The following MAL2 variants were observed in gnomAD, a reference collection of about 807,000 sequenced individuals.
MAL2 encodes mal, T cell differentiation protein 2, also known as protein MAL2.
A neutral mutation model predicts 18.1 loss-of-function variants in MAL2; 17 were observed. The observed-to-expected ratio is 0.94, with a 90% CI of 0.64 to 1.41. MAL2 has a LOEUF of 1.41. Among genes scored for constraint, MAL2 ranks in the 40% most tolerant of loss-of-function variants. The pLI is 0.00. For synonymous variants in MAL2, 102 were observed against 102.3 expected, an observed-to-expected ratio of 1.00 and a Z score of 0.02; for missense variants, 222 against 231.9, an observed-to-expected ratio of 0.96 and a Z score of 0.28.
chr8:119,219,025 T>C (rs993553579), intron 1 of MAL2, among the ~76,000 whole-genome samples: 2 of 152,216 alleles, frequency 1.3e-5, no homozygotes, highest in African/African-American at 4.8e-5. Context: ...GACATACTTA[T>C]ATCGCCTTCA....
At chr8:119,232,703 T>C (rs1056622693) in intron 2 of MAL2, among the ~76,000 whole-genome samples, 2 of 152,202 alleles carry the variant, frequency 1.3e-5, no homozygotes, top group African/African-American at 2.4e-5. Flanking sequence ...AATTACATAA[T>C]GTGTATGAAT....
chr8:119,208,676 T>G lies in MAL2; in HGVS notation c.132+72T>G, dbSNP rs1817224171. The G allele has an allele frequency of 8.2e-7, 1 of 1,225,616 alleles. No individual in the cohort carries two copies. The highest frequency in any genetic ancestry group is 1.0e-6 in the Non-Finnish European group (1 of 981,922). The allele number at this position is 1,225,616 out of a possible 1,614,324, so 75.9% of individuals were successfully genotyped here. A position where few individuals can be genotyped will look rare whatever the true frequency, so the allele number is the denominator to read the frequency against. ...GCGGCGGCATCCTTGTCCCCCGGGC[T>G]GTCTTCCTCTGCGTCCGCCCCCGGC... is the stretch of plus-strand genomic sequence containing the variant. On this transcript the variant is annotated intron_variant, in intron 1 of 3. Transcript: ENST00000614891. The surrounding 1 kb of genome is among the most constrained non-coding windows in gnomAD (Gnocchi z 4.3).
intron 2 of MAL2, among the ~76,000 whole-genome samples, chr8:119,233,492 G>T (rs2129876378): frequency 6.6e-6 from 1 of 152,268 alleles, no homozygotes; most frequent in Non-Finnish European, 1.5e-5. Context: ...TGACGAAGGG[G>T]ATAGCAGCAC....
chr8:119,221,564 A>G, intron 1 of MAL2, 23 bp from the exon 2 acceptor site: 2 of 1,612,920 alleles, frequency 1.2e-6, no homozygotes, highest in South Asian at 1.1e-5. Context: ...AAGCAAACCA[A>G]TTACCCTCTT....
In MAL2 at chr8:119,208,675, C is replaced by G; in HGVS notation, c.132+71C>G. On this transcript the variant is annotated intron_variant, in intron 1 of 3. Transcript: ENST00000614891. The surrounding 1 kb of genome is among the most constrained non-coding windows in gnomAD (Gnocchi z 4.3). The stretch of plus-strand genomic sequence containing the variant: ...GGCGGCGGCATCCTTGTCCCCCGGG[C>G]TGTCTTCCTCTGCGTCCGCCCCCGG... The G allele has an allele frequency of 8.2e-7, 1 of 1,226,676 alleles. No individual in the cohort carries two copies. The highest frequency in any genetic ancestry group is 3.6e-5 in the South Asian group (1 of 27,408). 76.0% of individuals were successfully genotyped at this position (1,226,676 alleles called of 1,614,324 possible). A position where few individuals can be genotyped will look rare whatever the true frequency, so the allele number is the denominator to read the frequency against.
At chr8:119,238,107 T>A (rs1415967699) in intron 2 of MAL2, among the ~76,000 whole-genome samples, 2 of 152,168 alleles carry the variant, frequency 1.3e-5, no homozygotes, top group African/African-American at 2.4e-5. Flanking sequence ...ACAAAACCAA[T>A]GTACAAAAAT....
chr8:119,234,713 C>T (rs939836286), intron 2 of MAL2, among the ~76,000 whole-genome samples: 10 of 151,736 alleles, frequency 6.6e-5, no homozygotes, highest in East Asian at 1.9e-4. Flanking sequence ...ACAATTCACA[C>T]GGCAGGGTAT....
chr8:119,243,830 A>G lies in MAL2; in HGVS notation c.*342A>G. ...TTTGTTTGGTTGCTGAGTCACCTGA[A>G]CCTTAATTTTAATTGGTAATTACAG... On this transcript the variant is annotated 3_prime_UTR_variant, in exon 4 of 4. Coordinates refer to ENST00000614891, the MANE Select transcript of MAL2 (RefSeq NM_052886.3). 5.8e-6 allele frequency: 1 copy of G among 172,372 alleles called. No individual in the cohort carries two copies. The allele number at this position is 172,372 out of a possible 1,614,324, so 10.7% of individuals were successfully genotyped here.
intron 2 of MAL2, 104 bp downstream of exon 2, chr8:119,221,861 G>C: frequency 8.1e-7 from 1 of 1,238,138 alleles, no homozygotes; most frequent in Admixed American, 2.4e-5. Context: ...CCTAATGGGA[G>C]AGAAGCGGTC....
chr8:119,221,884 C>G, intron 2 of MAL2, 127 bp downstream of exon 2: 1 of 992,840 alleles, frequency 1.0e-6, no homozygotes, highest in Non-Finnish European at 1.5e-6. Context: ...ACCACAGAGA[C>G]TGCTGTGGTG....
chr8:119,219,332 GA>G (rs1192426099), intron 1 of MAL2, among the ~76,000 whole-genome samples: 1 of 152,134 alleles, frequency 6.6e-6, no homozygotes, highest in African/African-American at 2.4e-5. Context: ...GCCTTTTCTT[GA>G]AGCTTGAATT....
At chr8:119,231,200 C>T (rs201401771) in intron 2 of MAL2, among the ~76,000 whole-genome samples, 2 of 151,962 alleles carry the variant, frequency 1.3e-5, no homozygotes, top group East Asian at 3.9e-4. Context: ...CCCAGCTAAT[C>T]TTTTTGTATT....
intron 2 of MAL2, among the ~76,000 whole-genome samples, chr8:119,231,865 G>A (rs1817737139): frequency 6.6e-6 from 1 of 152,298 alleles, no homozygotes; most frequent in South Asian, 2.1e-4. Flanking sequence ...ATCTTGAACA[G>A]TTGAATTCAC....
chr8:119,216,888 G>GA (rs1421832184), intron 1 of MAL2, among the ~76,000 whole-genome samples: 2 of 152,094 alleles, frequency 1.3e-5, no homozygotes, highest in Non-Finnish European at 1.5e-5. Flanking sequence ...AAATTGGTTT[G>GA]AAAAAATTTT....
Position 119,234,008 on chromosome 8 carries a change from C to T in MAL2, c.304-6157C>T, listed in dbSNP as rs369136958. ...AGTCTACAGCTCCCAGCGTGAGTGA[C>T]GCAGAAGACGGATGATTTCTGCATT... On this transcript the variant is annotated intron_variant, in intron 2 of 3. Coordinates refer to ENST00000614891, the MANE Select transcript of MAL2 (RefSeq NM_052886.3). Among the ~76,000 whole-genome samples the T allele has an allele frequency of 4.5e-4, 69 of 152,264 alleles. 1 individual carries two copies. The South Asian group carries it at 0.011, about 24-fold the overall frequency.
At chr8:119,236,761 C>A (rs1563777273) in intron 2 of MAL2, among the ~76,000 whole-genome samples, 1 of 150,632 alleles carries the variant, frequency 6.6e-6, no homozygotes, top group East Asian at 1.9e-4. Context: ...AAAGACACAA[C>A]ATAGCAGAAT....
chr8:119,238,573 CAG>C lies in MAL2; in HGVS notation c.304-1588_304-1587del, dbSNP rs569256021. On this transcript the variant is annotated intron_variant, in intron 2 of 3. Transcript: ENST00000614891. ...AAACAGCATGGTACTGGGACCAAAA[CAG>C]AGATATAGATCAATGGAACAGAACA... Among the ~76,000 whole-genome samples the C allele has an allele frequency of 2.2e-3, 319 of 148,300 alleles. 2 individuals are homozygous for C. Among genetic ancestry groups the C allele is most frequent in the Non-Finnish European group, 2.9e-3 (193 of 66,962 alleles).
intron 3 of MAL2, among the ~76,000 whole-genome samples, chr8:119,241,377 A>AG (rs1255519262): frequency 2.6e-5 from 4 of 152,150 alleles, no homozygotes; most frequent in Non-Finnish European, 5.9e-5. Context: ...AAGGAAAAAA[A>AG]ACAGAATAAA....
rs948656382 is a variant in MAL2, at chr8:119,208,703, T to C, written c.132+99T>C. The stretch of plus-strand genomic sequence containing the variant: ...TCTTCCTCTGCGTCCGCCCCCGGCC[T>C]CCTTCCCTTCGACGTGGCTTTGTCC... On this transcript the variant is annotated intron_variant, in intron 1 of 3. Coordinates refer to ENST00000614891, the MANE Select transcript of MAL2 (RefSeq NM_052886.3). The surrounding 1 kb of genome is among the most constrained non-coding windows in gnomAD (Gnocchi z 4.3). 2 of 1,211,256 alleles carry C rather than the reference T, an allele frequency of 1.7e-6. No individual in the cohort carries two copies. Among genetic ancestry groups the C allele is most frequent in the African/African-American group, 3.2e-5 (2 of 63,062 alleles). 75.0% of individuals were successfully genotyped at this position (1,211,256 alleles called of 1,614,324 possible).
Sources: gnomAD v4.1 joint callset for allele counts (sites outside exome capture counted in the v4.1 genomes callset) on GRCh38, gnomAD v4.1.1 for gene constraint, Gnocchi (gnomAD v3.1) non-coding constraint, MANE v1.5 for transcripts, NCBI Gene and HGNC (gene_info 2026-07-23, HGNC 2026-07-21) for gene names.